Variants in PDK1 observed in about 807,000 individuals in gnomAD.
PDK1 encodes the protein pyruvate dehydrogenase kinase 1.
In PDK1, 39 loss-of-function variants were observed where a neutral mutation model predicts 54.2. The observed-to-expected ratio is 0.72, with a 90% CI of 0.56 to 0.94. PDK1 has a LOEUF of 0.94. PDK1 is among the 40% of genes least tolerant of loss of function. The probability of loss-of-function intolerance (pLI) is 0.00; values close to 1 mark genes in which losing one functional copy is unlikely to be tolerated. For missense variants in PDK1, 552 were observed against 566.0 expected, an observed-to-expected ratio of 0.98 and a Z score of 0.25; for synonymous variants, 221 against 207.1, an observed-to-expected ratio of 1.07 and a Z score of -0.58.
chr2:172,627,604 C>T, the PDK1 span, among the ~76,000 whole-genome samples: 1,552 of 152,202 alleles, frequency 0.01, 12 homozygotes, highest in Non-Finnish European at 0.015. Flanking sequence ...GGAGTAAGGA[C>T]CTCCTTAGAG....
At chr2:172,691,741 G>C in the PDK1 span, among the ~76,000 whole-genome samples, 1 of 152,212 alleles carries the variant, frequency 6.6e-6, no homozygotes, top group Non-Finnish European at 1.5e-5. Context: ...CTCATGGCTT[G>C]ATGGCTCATT....
chr2:172,713,712 G>A, the PDK1 span, among the ~76,000 whole-genome samples: 1 of 152,220 alleles, frequency 6.6e-6, no homozygotes, highest in Non-Finnish European at 1.5e-5. Context: ...GACTTCCTGG[G>A]CCTCCAGAAG....
chr2:172,680,412 C>T, the PDK1 span, among the ~76,000 whole-genome samples: 46 of 152,172 alleles, frequency 3.0e-4, no homozygotes, highest in African/African-American at 1.0e-3. Flanking sequence ...AGTGCAGTAG[C>T]GTGATCATAG....
chr2:172,694,560 G>A, the PDK1 span, among the ~76,000 whole-genome samples: 6 of 152,164 alleles, frequency 3.9e-5, no homozygotes, highest in Non-Finnish European at 8.8e-5. Context: ...GGATGTGCTA[G>A]TTTGGTGAAT....
rs144622845 is a variant in PDK1, at chr2:172,589,319, G to A, written c.1056+2931G>A. On this transcript the variant is annotated intron_variant, in intron 9 of 10. Coordinates refer to ENST00000282077, the MANE Select transcript of PDK1 (RefSeq NM_002610.5). The stretch of plus-strand genomic sequence containing the variant: ...AAAGAAACTAATTACATAGGTGTAG[G>A]TAAAGATAGCACAGGAACCCAGGGC... Among the ~76,000 whole-genome samples, 32 of 152,312 alleles carry A rather than the reference G, an allele frequency of 2.1e-4. No individual in the cohort carries two copies. In the East Asian group the frequency reaches 3.9e-3, roughly 18 times the overall value.
chr2:172,573,939 G>C (rs576494710), intron 8 of PDK1, among the ~76,000 whole-genome samples: 2 of 152,070 alleles, frequency 1.3e-5, no homozygotes, highest in South Asian at 4.1e-4. Context: ...AAAGTTTTTA[G>C]TTTTGAAAAT....
intron 2 of PDK1, 25 bp from the exon 3 acceptor site, chr2:172,562,195 C>G (rs766035836): frequency 3.8e-6 from 5 of 1,299,386 alleles, no homozygotes; most frequent in Non-Finnish European, 5.5e-6. Context: ...AAAGAACAAA[C>G]TTATCCTATT....
At chr2:172,649,505 A>C in the PDK1 span, among the ~76,000 whole-genome samples, 1 of 152,342 alleles carries the variant, frequency 6.6e-6, no homozygotes. Flanking sequence ...TGAGAGAAGA[A>C]GGCTTCAGAT....
intron 9 of PDK1, among the ~76,000 whole-genome samples, chr2:172,587,356 G>T (rs1485856661): frequency 6.6e-6 from 1 of 152,066 alleles, no homozygotes; most frequent in Non-Finnish European, 1.5e-5. Flanking sequence ...TAAAGGCAGG[G>T]CGTCTGGAGT....
the PDK1 span, among the ~76,000 whole-genome samples, chr2:172,680,543 T>A: frequency 3.9e-5 from 6 of 151,992 alleles, no homozygotes; most frequent in Non-Finnish European, 8.8e-5. Context: ...TTATTTATTT[T>A]TTGTGGTAGA....
At chr2:172,700,292 C>T in the PDK1 span, among the ~76,000 whole-genome samples, 2 of 151,862 alleles carry the variant, frequency 1.3e-5, no homozygotes, top group Non-Finnish European at 1.5e-5. Context: ...GACGGGGTGG[C>T]GGCCGGGCAG....
chr2:172,657,420 C>G, the PDK1 span, among the ~76,000 whole-genome samples: 1 of 47,178 alleles, frequency 2.1e-5, no homozygotes, highest in Non-Finnish European at 7.4e-5. Flanking sequence ...AACCAGAAAC[C>G]AGAAGTGTTT....
chr2:172,657,870 T>G, the PDK1 span, among the ~76,000 whole-genome samples: 2 of 152,216 alleles, frequency 1.3e-5, no homozygotes, highest in Admixed American at 1.3e-4. Context: ...ATTTGGCTCT[T>G]GATTCTGCAG....
intron 6 of PDK1, among the ~76,000 whole-genome samples, chr2:172,568,323 G>A (rs183700259): frequency 9.7e-4 from 93 of 96,282 alleles, no homozygotes; most frequent in Middle Eastern, 9.4e-3. Context: ...GCAAGACTCC[G>A]TCTCAAAAAA....
the PDK1 span, among the ~76,000 whole-genome samples, chr2:172,716,982 G>T: frequency 6.6e-6 from 1 of 152,134 alleles, no homozygotes; most frequent in Non-Finnish European, 1.5e-5. Flanking sequence ...TGGAGTACTC[G>T]TATTTATTTA....
upstream of PDK1, chr2:172,555,977 C>G (rs1339374853): frequency 2.3e-6 from 1 of 432,778 alleles, no homozygotes; most frequent in Non-Finnish European, 3.9e-6. Flanking sequence ...GCCTCCTTCC[C>G]GCTCCGCGTC....
chr2:172,718,962 A>G, the PDK1 span, among the ~76,000 whole-genome samples: 5 of 152,206 alleles, frequency 3.3e-5, no homozygotes, highest in Non-Finnish European at 7.4e-5. Flanking sequence ...CATCACCCCC[A>G]AAATTGGTTT....
the PDK1 span, among the ~76,000 whole-genome samples, chr2:172,641,434 CT>C: frequency 7.4e-6 from 1 of 134,586 alleles, no homozygotes; most frequent in Non-Finnish European, 1.6e-5. Flanking sequence ...CATCTGGTAA[CT>C]TGTCCATTTT....
At chr2:172,660,130 C>T in the PDK1 span, among the ~76,000 whole-genome samples, 1 of 150,950 alleles carries the variant, frequency 6.6e-6, no homozygotes, top group Non-Finnish European at 1.5e-5. Flanking sequence ...GCCCAGGGTT[C>T]CATGGATCAG....
Sources: gnomAD v4.1 joint callset for allele counts (sites outside exome capture counted in the v4.1 genomes callset) on GRCh38, gnomAD v4.1.1 for gene constraint, MANE v1.5 for transcripts, NCBI Gene and HGNC (gene_info 2026-07-23, HGNC 2026-07-21) for gene names.